Variants in NRG3 observed in about 807,000 individuals in gnomAD.
NRG3 encodes the protein pro-neuregulin-3, membrane-bound isoform.
In NRG3, 31 loss-of-function variants were observed where a neutral mutation model predicts 66.9. That is an observed-to-expected ratio of 0.46 (90% confidence interval 0.35 to 0.63). NRG3 has a LOEUF of 0.63. Ranked by LOEUF, NRG3 falls within the 20% of genes least tolerant of loss-of-function variation. The probability of loss-of-function intolerance (pLI) is 0.00; values close to 1 mark genes in which losing one functional copy is unlikely to be tolerated. For synonymous variants in NRG3, 393 were observed against 359.4 expected, an observed-to-expected ratio of 1.09 and a Z score of -1.06; for missense variants, 910 against 878.9, an observed-to-expected ratio of 1.04 and a Z score of -0.45.
intron 1 of NRG3, among the ~76,000 whole-genome samples, chr10:82,318,818 A>G (rs780123947): frequency 3.6e-4 from 55 of 152,250 alleles, no homozygotes; most frequent in African/African-American, 6.8e-4. Flanking sequence ...AGCAAGGGCA[A>G]TATCTAGTTT....
intron 1 of NRG3, among the ~76,000 whole-genome samples, chr10:82,169,512 A>AT (rs2072386940): frequency 6.6e-6 from 1 of 150,842 alleles, no homozygotes; most frequent in Non-Finnish European, 1.5e-5. Context: ...TTAATTTTTT[A>AT]TTTTTTTATT....
intron 1 of NRG3, among the ~76,000 whole-genome samples, chr10:82,074,400 C>T (rs2064977211): frequency 6.6e-6 from 1 of 152,134 alleles, no homozygotes; most frequent in Admixed American, 6.5e-5. Flanking sequence ...ATGATCAGAA[C>T]TCATTGGATT....
chr10:82,171,722 A>G (rs1322357190), intron 1 of NRG3, among the ~76,000 whole-genome samples: 1 of 152,108 alleles, frequency 6.6e-6, no homozygotes, highest in East Asian at 1.9e-4. Context: ...TGCTTACATA[A>G]CCAAAATTGC....
At chr10:82,385,580 G>A (rs1263899919) in intron 2 of NRG3, among the ~76,000 whole-genome samples, 3 of 152,096 alleles carry the variant, frequency 2.0e-5, no homozygotes, top group Admixed American at 6.5e-5. Context: ...ATTAGATTAA[G>A]CGTAATTAAA....
chr10:82,339,056 G>A (rs979854379), intron 1 of NRG3, among the ~76,000 whole-genome samples: 1 of 152,144 alleles, frequency 6.6e-6, no homozygotes, highest in African/African-American at 2.4e-5. Context: ...TGAAATGATT[G>A]ATGTATTGGG....
chr10:82,504,811 C>G (rs902351525), intron 2 of NRG3, among the ~76,000 whole-genome samples: 15 of 152,062 alleles, frequency 9.9e-5, no homozygotes, highest in African/African-American at 2.4e-4. Flanking sequence ...ATAGACCCTC[C>G]TGGAACCCAG....
intron 2 of NRG3, among the ~76,000 whole-genome samples, chr10:82,566,998 G>A (rs902849253): frequency 2.0e-5 from 3 of 151,858 alleles, no homozygotes; most frequent in Non-Finnish European, 4.4e-5. Flanking sequence ...ACTCTTCACA[G>A]CAATACTCTT....
chr10:82,123,610 C>T (rs1156993283), intron 1 of NRG3, among the ~76,000 whole-genome samples: 1 of 152,154 alleles, frequency 6.6e-6, no homozygotes. Flanking sequence ...AGTCTCCCTG[C>T]AAAGGTGGGA....
rs549466080 is a variant in NRG3 at position 82,956,402 on chromosome 10, G to A, written c.1158-2547G>A. Among the ~76,000 whole-genome samples the A allele has an allele frequency of 7.9e-5, 12 of 151,864 alleles. No individual in the cohort carries two copies. The South Asian group carries it at 2.5e-3, about 32-fold the overall frequency. On this transcript the variant is annotated intron_variant, in intron 5 of 8. Transcript: ENST00000372141. ...TGTTCCCATTTTCTGGGTGAAGGAA[G>A]AAAGAGCAAAAAAGTGTGTGCTTGT... is the stretch of plus-strand genomic sequence containing the variant.
At chr10:82,101,746 G>C (rs952101990) in intron 1 of NRG3, among the ~76,000 whole-genome samples, 1 of 150,488 alleles carries the variant, frequency 6.6e-6, no homozygotes, top group African/African-American at 2.4e-5. Context: ...AATAAGCAAG[G>C]AAAGGGTCTA....
intron 2 of NRG3, among the ~76,000 whole-genome samples, chr10:82,674,083 A>T (rs2053496662): frequency 6.6e-6 from 1 of 152,154 alleles, no homozygotes; most frequent in Non-Finnish European, 1.5e-5. Context: ...AAAGTGAAAG[A>T]GTGCTAACCA....
At chr10:82,312,241 C>T (rs2081067835) in intron 1 of NRG3, among the ~76,000 whole-genome samples, 1 of 152,132 alleles carries the variant, frequency 6.6e-6, no homozygotes, top group South Asian at 2.1e-4. Context: ...AGAGGGAAGG[C>T]TTGATTTACA....
chr10:82,570,992 A>T (rs1170263311), intron 2 of NRG3, among the ~76,000 whole-genome samples: 1 of 151,410 alleles, frequency 6.6e-6, no homozygotes, highest in Non-Finnish European at 1.5e-5. Flanking sequence ...TTAGATATCT[A>T]TTTATCTCTA....
At chr10:82,256,390 C>T (rs1368468800) in intron 1 of NRG3, among the ~76,000 whole-genome samples, 1 of 152,122 alleles carries the variant, frequency 6.6e-6, no homozygotes, top group Non-Finnish European at 1.5e-5. Flanking sequence ...GCTTTGTATA[C>T]TGTAGAGTGC....
intron 5 of NRG3, among the ~76,000 whole-genome samples, chr10:82,955,473 T>C (rs1397394157): frequency 1.3e-5 from 2 of 151,906 alleles, no homozygotes; most frequent in African/African-American, 2.4e-5. Flanking sequence ...TTTTAACTTA[T>C]GTAGTTAAGA....
At chr10:81,930,336 A>AAATTCACT (rs1379788264) in intron 1 of NRG3, among the ~76,000 whole-genome samples, 4 of 152,154 alleles carry the variant, frequency 2.6e-5, no homozygotes, top group Non-Finnish European at 5.9e-5. Context: ...TGAAGCTCAA[A>AAATTCACT]AATTCACTAG....
intron 1 of NRG3, among the ~76,000 whole-genome samples, chr10:81,935,389 G>A (rs981386357): frequency 3.9e-5 from 6 of 152,130 alleles, no homozygotes; most frequent in African/African-American, 7.2e-5. Flanking sequence ...ACCAGATGAC[G>A]ATTTTTGTTT....
intron 2 of NRG3, among the ~76,000 whole-genome samples, chr10:82,552,165 A>G (rs1292785603): frequency 6.6e-6 from 1 of 151,074 alleles, no homozygotes; most frequent in Non-Finnish European, 1.5e-5. Context: ...CAAAATCCAT[A>G]TTTTTTTTTA....
At chr10:81,935,842 C>T (rs1713741047) in intron 1 of NRG3, among the ~76,000 whole-genome samples, 1 of 150,666 alleles carries the variant, frequency 6.6e-6, no homozygotes, top group African/African-American at 2.5e-5. Context: ...TCTCAATTTA[C>T]CCAGCTTTTT....
Sources: gnomAD v4.1 joint callset for allele counts (sites outside exome capture counted in the v4.1 genomes callset) on GRCh38, gnomAD v4.1.1 for gene constraint, MANE v1.5 for transcripts, NCBI Gene and HGNC (gene_info 2026-07-23, HGNC 2026-07-21) for gene names.